The following CFAP46 variants were observed in gnomAD, a reference collection of about 807,000 sequenced individuals.
CFAP46 encodes cilia and flagella associated protein 46.
In CFAP46, 245 loss-of-function variants were observed where a neutral mutation model predicts 325.7. The observed-to-expected ratio is 0.75, with a 90% CI of 0.68 to 0.84. CFAP46 has a LOEUF of 0.84. Among genes scored for constraint, CFAP46 ranks in the 40% least tolerant of loss-of-function variants. The probability of loss-of-function intolerance (pLI) is 0.00; values close to 1 mark genes in which losing one functional copy is unlikely to be tolerated. For synonymous variants in CFAP46, 1,523 were observed against 1,495.9 expected (o/e 1.02, Z -0.42); for missense variants, 3,346 against 3,543.0 (o/e 0.94, Z 1.41).
In CFAP46 at chr10:132,810,400, C is replaced by G; in HGVS notation, c.7664+9G>C. 2 of 1,613,038 alleles carry G rather than the reference C, an allele frequency of 1.2e-6. No homozygotes were observed. The highest frequency in any genetic ancestry group is 1.7e-6 in the Non-Finnish European group (2 of 1,179,782). The stretch of plus-strand genomic sequence containing the variant: ...GAAGGCCGCGGGGTGCAGGCCGCCC[C>G]TCCCTTACCTTGGTTCACCGCCTCG... On this transcript the variant is annotated intron_variant, in intron 57 of 57. Coordinates refer to ENST00000368586, the MANE Select transcript of CFAP46 (RefSeq NM_001200049.3).
chr10:132,849,808 G>A (rs1410659062), intron 41 of CFAP46, among the ~76,000 whole-genome samples: 2 of 152,188 alleles, frequency 1.3e-5, no homozygotes, highest in Admixed American at 6.5e-5. Flanking sequence ...CTGGCATGGG[G>A]GCCACGGCGC....
intron 11 of CFAP46, among the ~76,000 whole-genome samples, chr10:132,923,418 GC>G (rs1234749128): frequency 7.5e-6 from 1 of 133,914 alleles, no homozygotes; most frequent in Non-Finnish European, 1.6e-5. Context: ...GGAACCCCTG[GC>G]CTTGAGCAGC....
Position 132,831,268 on chromosome 10 carries a change from G to A in CFAP46, c.7117+2090C>T, listed in dbSNP as rs75296130. ...TGTGTAAAGTGTACATTCTTCTGCCGTGGGGGGAATGTTACATCAATGTCC... is the reference window on the plus strand; with the variant it reads ...TGTGTAAAGTGTACATTCTTCTGCCATGGGGGGAATGTTACATCAATGTCC... On this transcript the variant is annotated intron_variant, in intron 50 of 57. Transcript: ENST00000368586. Among the ~76,000 whole-genome samples, 391 of 141,180 alleles carry A rather than the reference G, an allele frequency of 2.8e-3. 7 individuals carry two copies. The South Asian group carries it at 0.063, about 23-fold the overall frequency. 92.6% of individuals were successfully genotyped at this position (141,180 alleles called of 152,430 possible). A position where few individuals can be genotyped will look rare whatever the true frequency, so the allele number is the denominator to read the frequency against.
In CFAP46 at chr10:132,850,327, C is replaced by G; in HGVS notation, c.5869G>C (p.Gly1957Arg). 1 of 1,552,844 alleles carries G rather than the reference C, an allele frequency of 6.4e-7. No individual in the cohort carries two copies. Among genetic ancestry groups the G allele is most frequent in the African/African-American group, 1.4e-5 (1 of 73,310 alleles). Residue 1957 changes from glycine (G) to arginine (R), a missense_variant, in exon 41 of 58, where the codon GGC (glycine) becomes CGC (arginine). Gly to Arg is a moderately radical substitution (Grantham distance 125, BLOSUM62 -2). Coordinates refer to ENST00000368586, the MANE Select transcript of CFAP46 (RefSeq NM_001200049.3). ...AGGTGCAGGGCCCTCCCGGCCAGGC[C>G]CAGGAGCCGGGCGCGGATCTCCACA... ...GCVEIRARLL[G>R]LAGRALHLLA...
At chr10:132,812,620 C>T (rs2134755313) in intron 55 of CFAP46, among the ~76,000 whole-genome samples, 165 bp downstream of exon 55, 2 of 151,912 alleles carry the variant, frequency 1.3e-5, no homozygotes, top group Middle Eastern at 6.8e-3. Context: ...AGGTCGTCCA[C>T]CTGCAGACAG....
chr10:132,912,918 C>T (rs1849576338), intron 18 of CFAP46, 98 bp from the exon 19 acceptor site: 4 of 1,482,758 alleles, frequency 2.7e-6, no homozygotes, highest in Non-Finnish European at 3.6e-6. Context: ...GCCTGAGATG[C>T]ACGGGTGCCC....
Position 132,935,215 on chromosome 10 carries a change from GC to G in CFAP46, c.756-354del, listed in dbSNP as rs563216091. On this transcript the variant is annotated intron_variant, in intron 7 of 57. Coordinates refer to ENST00000368586, the MANE Select transcript of CFAP46 (RefSeq NM_001200049.3). ...AGCATTGCTCTCTCCCAGGGATGCTGCCCATAGGACACAAATACCTCAGATC... is the reference window on the plus strand; with the variant it reads ...AGCATTGCTCTCTCCCAGGGATGCTGCCATAGGACACAAATACCTCAGATC... 2.6e-3 allele frequency among the ~76,000 whole-genome samples: 399 copies of G among 152,158 alleles called. 1 individual carries two copies. The highest frequency in any genetic ancestry group is 8.8e-3 in the African/African-American group (367 of 41,486).
At chr10:132,870,587 C>T (rs780803519) in intron 32 of CFAP46, among the ~76,000 whole-genome samples, 7 of 152,276 alleles carry the variant, frequency 4.6e-5, no homozygotes, top group East Asian at 1.9e-4. Context: ...CCGTGGTCTG[C>T]GCCGAAGATC....
intron 39 of CFAP46, among the ~76,000 whole-genome samples, chr10:132,854,133 C>T (rs1848603540): frequency 6.6e-6 from 1 of 152,126 alleles, no homozygotes; most frequent in African/African-American, 2.4e-5. Flanking sequence ...ATTTCTCCTA[C>T]AGGTGTTTAG....
At chr10:132,820,534 T>A (rs1306317376) in intron 50 of CFAP46, among the ~76,000 whole-genome samples, 1 of 142,056 alleles carries the variant, frequency 7.0e-6, no homozygotes. Flanking sequence ...GTGCTGTGTG[T>A]GCACTGATGT....
At chr10:132,922,455 C>T in intron 12 of CFAP46, 25 bp downstream of exon 12, 1 of 1,519,686 alleles carries the variant, frequency 6.6e-7, no homozygotes, top group Non-Finnish European at 8.9e-7. Flanking sequence ...AGCACCCAGC[C>T]TCCCTCACTT....
chr10:132,814,281 AC>A lies in CFAP46; in HGVS notation c.7286-28del, dbSNP rs755890768. On this transcript the variant is annotated intron_variant, in intron 53 of 57. Transcript: ENST00000368586. ...TGCAAGGAGAACAGGGTGGATACAG[AC>A]CACGGTGTTTCATCAGACACGGGTG... The A allele has an allele frequency of 1.7e-5, 26 of 1,569,290 alleles. 1 individual carries two copies. In the Admixed American group the frequency reaches 4.4e-4, roughly 26 times the overall value.
chr10:132,901,635 T>C (rs1849393310), intron 22 of CFAP46, among the ~76,000 whole-genome samples: 4 of 152,244 alleles, frequency 2.6e-5, no homozygotes, highest in Non-Finnish European at 5.9e-5. Flanking sequence ...AATAGGATGC[T>C]ATTTTTGCTT....
Position 132,859,269 on chromosome 10 carries a change from G to T in CFAP46, c.5199-22C>A, listed in dbSNP as rs773753381. The T allele has an allele frequency of 2.4e-5, 37 of 1,539,572 alleles. No homozygotes were observed. The East Asian group carries it at 7.8e-4, about 33-fold the overall frequency. Reference sequence around the variant, plus strand: ...GCACCTGACGGAGGGACGGTTTGGGGCCTGGAGTCAGAAGCCCCAGGGCCG... The same window carrying T: ...GCACCTGACGGAGGGACGGTTTGGGTCCTGGAGTCAGAAGCCCCAGGGCCG... On this transcript the variant is annotated intron_variant, in intron 37 of 57. Transcript: ENST00000368586.
intron 21 of CFAP46, 39 bp downstream of exon 21, chr10:132,909,098 C>T (rs1349889285): frequency 6.8e-7 from 1 of 1,475,634 alleles, no homozygotes; most frequent in East Asian, 2.5e-5. Flanking sequence ...GTCCTCGCCT[C>T]TTGGCCCCTG....
intron 17 of CFAP46, among the ~76,000 whole-genome samples, chr10:132,913,972 G>A (rs921323652): frequency 9.2e-5 from 14 of 152,124 alleles, no homozygotes; most frequent in African/African-American, 3.1e-4. Context: ...CCGTGGCCAC[G>A]AGTGCTCACA....
In CFAP46 at chr10:132,817,079, G is replaced by C. The variant is rs189236529; in HGVS notation, c.7118-2165C>G. Among the ~76,000 whole-genome samples, 1 of 152,292 alleles carries C rather than the reference G, an allele frequency of 6.6e-6. No homozygotes were observed. The highest frequency in any genetic ancestry group is 1.9e-4 in the East Asian group (1 of 5,186). On this transcript the variant is annotated intron_variant, in intron 50 of 57. Coordinates refer to ENST00000368586, the MANE Select transcript of CFAP46 (RefSeq NM_001200049.3). The surrounding 1 kb of genome is among the most constrained non-coding windows in gnomAD (Gnocchi z 4.4). ...TCTCTTTTTGCTCTTTGTCTGGACC[G>C]TCAGTAATCCAGGCGTGGTAAAATC...
chr10:132,880,833 CGGCACCCT>C lies in CFAP46; in HGVS notation c.3799+20_3799+27del. 1.3e-6 allele frequency: 2 copies of C among 1,537,570 alleles called. No individual in the cohort carries two copies. Among genetic ancestry groups the C allele is most frequent in the Non-Finnish European group, 1.7e-6 (2 of 1,144,088 alleles). On this transcript the variant is annotated intron_variant, in intron 28 of 57. Coordinates refer to ENST00000368586, the MANE Select transcript of CFAP46 (RefSeq NM_001200049.3). ...AGAGCTCTGGGGAGCGGCGTGGGGT[CGGCACCCT>C]GCCAGCGGCGTGGGCTCACCATCCG...
At position 132,889,463 on chromosome 10, in the gene CFAP46, G is replaced by A. The variant is rs900994219; in HGVS notation, c.3304+2870C>T. ...CACCCAGGCACTGGCCAGAGAAGCG[G>A]GTCTGCGTCTGAAACTTGGGAACCC... On this transcript the variant is annotated intron_variant, in intron 25 of 57. Transcript: ENST00000368586. The surrounding 1 kb of genome is among the most constrained non-coding windows in gnomAD (Gnocchi z 6.0). Among the ~76,000 whole-genome samples, 2 of 152,142 alleles carry A rather than the reference G, an allele frequency of 1.3e-5. No individual in the cohort carries two copies. The highest frequency in any genetic ancestry group is 2.9e-5 in the Non-Finnish European group (2 of 68,020).
Sources: gnomAD v4.1 joint callset for allele counts (sites outside exome capture counted in the v4.1 genomes callset) on GRCh38, gnomAD v4.1.1 for gene constraint, Gnocchi (gnomAD v3.1) non-coding constraint, MANE v1.5 for transcripts, NCBI Gene and HGNC (gene_info 2026-07-23, HGNC 2026-07-21) for gene names.